FRMD4A: variants seen among roughly 807,000 people sequenced by gnomAD.
FRMD4A encodes FERM domain containing 4A.
FRMD4A carries 29 observed loss-of-function variants against 129.1 expected under a neutral mutation model. The observed-to-expected ratio is 0.22, with a 90% CI of 0.17 to 0.31. The LOEUF (loss-of-function observed/expected upper bound fraction) is 0.31. Ranked by LOEUF, FRMD4A falls within the 10% of genes least tolerant of loss-of-function variation. The probability of loss-of-function intolerance (pLI) is 1.00; values close to 1 mark genes in which losing one functional copy is unlikely to be tolerated. For synonymous variants in FRMD4A, 634 were observed against 571.6 expected, an observed-to-expected ratio of 1.11 and a Z score of -1.56; for missense variants, 1,272 against 1,375.8, an observed-to-expected ratio of 0.92 and a Z score of 1.19.
intron 2 of FRMD4A, among the ~76,000 whole-genome samples, chr10:14,260,699 C>T (rs1363306071): frequency 1.3e-5 from 2 of 152,330 alleles, no homozygotes; most frequent in East Asian, 3.9e-4. Context: ...CACAACCACA[C>T]AGCCAGAACC....
At chr10:13,897,075 G>A (rs1019150015) in intron 2 of FRMD4A, among the ~76,000 whole-genome samples, 2 of 152,218 alleles carry the variant, frequency 1.3e-5, no homozygotes, top group African/African-American at 4.8e-5. Flanking sequence ...AACACTAGGC[G>A]TAAGTGGCTA....
At chr10:13,958,730 C>T (rs931062215) in intron 2 of FRMD4A, among the ~76,000 whole-genome samples, 3 of 151,980 alleles carry the variant, frequency 2.0e-5, no homozygotes, top group African/African-American at 7.3e-5. Context: ...GGATTACAGG[C>T]ATGCACCCCC....
At chr10:13,755,450 T>G (rs2091820376) in intron 8 of FRMD4A, among the ~76,000 whole-genome samples, 1 of 152,212 alleles carries the variant, frequency 6.6e-6, no homozygotes, top group African/African-American at 2.4e-5. Context: ...ATCCCATGGT[T>G]TATAGAAGAT....
intron 2 of FRMD4A, among the ~76,000 whole-genome samples, chr10:14,217,772 G>A (rs1843119178): frequency 6.6e-6 from 1 of 151,974 alleles, no homozygotes; most frequent in Non-Finnish European, 1.5e-5. Context: ...TCACGCAGGT[G>A]CTGTGTAGGC....
chr10:13,975,310 ATG>A (rs1180957605), intron 2 of FRMD4A, among the ~76,000 whole-genome samples: 1 of 143,444 alleles, frequency 7.0e-6, no homozygotes, highest in Admixed American at 6.9e-5. Flanking sequence ...GTGTGTGTGT[ATG>A]TGTGTGTGTG....
intron 2 of FRMD4A, among the ~76,000 whole-genome samples, chr10:14,224,154 T>C (rs1392947415): frequency 6.6e-6 from 1 of 152,104 alleles, no homozygotes; most frequent in African/African-American, 2.4e-5. Context: ...GTGCCTCTTC[T>C]CTGCCAAAAG....
intron 3 of FRMD4A, among the ~76,000 whole-genome samples, chr10:13,829,761 A>C (rs2093760726): frequency 6.6e-6 from 1 of 152,196 alleles, no homozygotes; most frequent in South Asian, 2.1e-4. Context: ...GGAGCTGAAC[A>C]TGTGCAGGGA....
intron 2 of FRMD4A, chr10:14,083,636 A>T (rs922239): frequency 0.23 from 34,504 of 152,156 alleles, 4,174 homozygotes; most frequent in East Asian, 0.38. Flanking sequence ...TTGACAGAGG[A>T]CTTGGACAGT....
chr10:14,056,635 T>G (rs1834546135), intron 2 of FRMD4A, among the ~76,000 whole-genome samples: 1 of 152,206 alleles, frequency 6.6e-6, no homozygotes, highest in Admixed American at 6.6e-5. Flanking sequence ...AGCTAACTGC[T>G]TCTTTGGGCC....
At chr10:14,303,695 A>G (rs1302772784) in intron 2 of FRMD4A, among the ~76,000 whole-genome samples, 4 of 152,202 alleles carry the variant, frequency 2.6e-5, no homozygotes, top group African/African-American at 9.6e-5. Context: ...ACTTCAAAGT[A>G]AAAGGAGGTA....
intron 2 of FRMD4A, among the ~76,000 whole-genome samples, chr10:14,272,395 T>C (rs1006117226): frequency 2.6e-5 from 4 of 152,286 alleles, no homozygotes; most frequent in African/African-American, 9.6e-5. Flanking sequence ...GGGCTATATG[T>C]CTCTGCCAAT....
intron 8 of FRMD4A, among the ~76,000 whole-genome samples, chr10:13,750,069 G>GAAAGAAAGAAAGAAAGAAAGAAAGA (rs2091502310): frequency 5.4e-5 from 3 of 55,600 alleles, no homozygotes; most frequent in African/African-American, 1.9e-4. Context: ...AGGAAGGAAG[G>GAAAGAAAGAAAGAAAGAAAGAAAGA]AAGAAAGAAA....
chr10:14,031,265 A>G (rs1833229270), intron 2 of FRMD4A, among the ~76,000 whole-genome samples: 1 of 127,432 alleles, frequency 7.8e-6, no homozygotes, highest in Admixed American at 8.1e-5. Context: ...AATCTTTTAT[A>G]GACATTTTTT....
chr10:14,026,905 G>A (rs921999872), intron 2 of FRMD4A, among the ~76,000 whole-genome samples: 2 of 152,164 alleles, frequency 1.3e-5, no homozygotes, highest in Admixed American at 6.5e-5. Context: ...GTTTTCCAGC[G>A]ATCTCAGAGG....
chr10:14,289,737 A>G (rs1206781102), intron 2 of FRMD4A, among the ~76,000 whole-genome samples: 6 of 152,106 alleles, frequency 3.9e-5, no homozygotes, highest in South Asian at 2.1e-4. Context: ...ATTAAATGCA[A>G]TATAGGAAGT....
At chr10:13,958,552 G>A (rs868775185) in intron 2 of FRMD4A, among the ~76,000 whole-genome samples, 10 of 151,276 alleles carry the variant, frequency 6.6e-5, no homozygotes, top group African/African-American at 2.4e-4. Flanking sequence ...CAAACTGCTG[G>A]GATTACAGGC....
intron 2 of FRMD4A, among the ~76,000 whole-genome samples, chr10:14,306,971 G>A (rs1288678842): frequency 6.6e-6 from 1 of 152,142 alleles, no homozygotes; most frequent in Admixed American, 6.5e-5. Flanking sequence ...AACATTTTTA[G>A]CTTCCAATAA....
chr10:13,797,134 G>A (rs1245869127), intron 4 of FRMD4A, among the ~76,000 whole-genome samples: 1 of 152,212 alleles, frequency 6.6e-6, no homozygotes, highest in Admixed American at 6.5e-5. Context: ...GAACTGGAAA[G>A]TGAAGGGATT....
intron 12 of FRMD4A, among the ~76,000 whole-genome samples, chr10:13,735,970 A>G (rs2135036760): frequency 6.6e-6 from 1 of 152,248 alleles, no homozygotes; most frequent in South Asian, 2.1e-4. Context: ...CCTGGCCCAC[A>G]TGGTGAAACC....
Sources: gnomAD v4.1 joint callset for allele counts (sites outside exome capture counted in the v4.1 genomes callset) on GRCh38, gnomAD v4.1.1 for gene constraint, MANE v1.5 for transcripts, NCBI Gene and HGNC (gene_info 2026-07-23, HGNC 2026-07-21) for gene names.